The following NEB variants were observed in gnomAD, a reference collection of about 807,000 sequenced individuals.
The protein encoded by NEB is nemaline myopathy type 2.
A neutral mutation model predicts 952.2 loss-of-function variants in NEB; 512 were observed. The ratio of observed to expected loss-of-function variants is 0.54; its 90% CI spans 0.50 to 0.58. The LOEUF (loss-of-function observed/expected upper bound fraction) is 0.58, where lower values mean the gene tolerates loss of function less well. NEB is among the 20% of genes least tolerant of loss of function. The probability of loss-of-function intolerance (pLI) is 0.00; values close to 1 mark genes in which losing one functional copy is unlikely to be tolerated. For synonymous variants in NEB, 2,900 were observed against 3,149.8 expected (o/e 0.92, Z 2.66); for missense variants, 8,428 against 9,231.1 (o/e 0.91, Z 3.56).
Position 151,557,977 on chromosome 2 carries a change from C to A in NEB, c.19314+2615G>T, listed in dbSNP as rs1422145989. 2.6e-5 allele frequency among the ~76,000 whole-genome samples: 4 copies of A among 152,210 alleles called. No homozygotes were observed. The East Asian group carries it at 7.7e-4, about 29-fold the overall frequency. ...CTGGCACAAGACAGGGATGCCCTCT[C>A]TCACCACTCCTATTCAACATAGTAT... On this transcript the variant is annotated intron_variant, in intron 124 of 181. Coordinates refer to ENST00000397345, the MANE Select transcript of NEB (RefSeq NM_001164508.2).
chr2:151,639,610 G>A (rs1285470778), intron 62 of NEB, among the ~76,000 whole-genome samples: 15 of 152,044 alleles, frequency 9.9e-5, no homozygotes, highest in Admixed American at 9.8e-4. Flanking sequence ...ATGAGAATAA[G>A]CATATTTTAT....
At chr2:151,486,015 T>C (rs756001037) in intron 181 of NEB, 82 bp from the exon 182 acceptor site, 64 of 1,400,978 alleles carry the variant, frequency 4.6e-5, no homozygotes, top group Admixed American at 7.4e-5. Context: ...AGATCTCTCA[T>C]GACTGACTCC....
intron 3 of NEB, among the ~76,000 whole-genome samples, chr2:151,732,620 T>C (rs928043258): frequency 6.6e-6 from 1 of 152,210 alleles, no homozygotes; most frequent in African/African-American, 2.4e-5. Context: ...GTATGTATTA[T>C]GTATAAAGTC....
intron 18 of NEB, 63 bp downstream of exon 18, chr2:151,695,515 C>T (rs111517947): frequency 0.016 from 18,465 of 1,120,730 alleles, 231 homozygotes; most frequent in South Asian, 0.029. Context: ...TGCAACAAAG[C>T]AGTTCAAACA....
chr2:151,607,465 C>T lies in NEB; in HGVS notation c.12639+39G>A, dbSNP rs528938852. The T allele has an allele frequency of 1.0e-4, 77 of 751,796 alleles. 22 individuals are homozygous for T. The South Asian group carries it at 1.1e-3, about 11-fold the overall frequency. 46.6% of individuals were successfully genotyped at this position (751,796 alleles called of 1,614,324 possible). On this transcript the variant is annotated intron_variant, in intron 83 of 181. Coordinates refer to ENST00000397345, the MANE Select transcript of NEB (RefSeq NM_001164508.2). The stretch of plus-strand genomic sequence containing the variant: ...ACTCTCCATGAGCAGACAGATATTG[C>T]CCATAAAGGCTTTTACACTTCATGT...
chr2:151,619,126 A>T (rs902790586), intron 73 of NEB, among the ~76,000 whole-genome samples: 1 of 152,004 alleles, frequency 6.6e-6, no homozygotes. Context: ...AAACACACAC[A>T]TTTTTTTACT....
chr2:151,524,617 C>A lies in NEB; in HGVS notation c.22273-1G>T. The A allele has an allele frequency of 7.2e-7, 1 of 1,389,280 alleles. No homozygotes were observed. Among genetic ancestry groups the A allele is most frequent in the Non-Finnish European group, 9.9e-7 (1 of 1,010,108 alleles). The allele number at this position is 1,389,280 out of a possible 1,614,324, so 86.1% of individuals were successfully genotyped here. On this transcript the variant is annotated splice_acceptor_variant, in intron 151 of 181. Transcript: ENST00000397345. LOFTEE classifies it high-confidence loss of function. ...CTTTGGCATCTTTTCTGTAAGCGACCTTTATTGGGGAAGAAAATGTTTACT... is the reference window on the plus strand; with the variant it reads ...CTTTGGCATCTTTTCTGTAAGCGACATTTATTGGGGAAGAAAATGTTTACT...
chr2:151,639,403 A>G lies in NEB; in HGVS notation c.8890-19T>C. On this transcript the variant is annotated intron_variant, in intron 62 of 181. Transcript: ENST00000397345. Reference sequence around the variant, plus strand: ...ATAAACGCTATCAAAAAAAATACACAAATTCATCAGGAAAAAAGTTCTGTG... The same window carrying G: ...ATAAACGCTATCAAAAAAAATACACGAATTCATCAGGAAAAAAGTTCTGTG... 6.7e-7 allele frequency: 1 copy of G among 1,501,252 alleles called. No individual in the cohort carries two copies. Among genetic ancestry groups the G allele is most frequent in the Non-Finnish European group, 8.9e-7 (1 of 1,122,326 alleles). 93.0% of individuals were successfully genotyped at this position (1,501,252 alleles called of 1,614,324 possible). A position where few individuals can be genotyped will look rare whatever the true frequency, so the allele number is the denominator to read the frequency against.
At chr2:151,665,888 AT>A (rs2154178209) in intron 41 of NEB, among the ~76,000 whole-genome samples, 1 of 152,356 alleles carries the variant, frequency 6.6e-6, no homozygotes, top group East Asian at 1.9e-4. Context: ...TAATACCAAC[AT>A]TTTAAATATA....
chr2:151,700,672 T>C (rs1576864713), intron 13 of NEB, among the ~76,000 whole-genome samples: 1 of 94,692 alleles, frequency 1.1e-5, no homozygotes, highest in East Asian at 2.6e-4. Context: ...GTTTGTCTGT[T>C]ATTGGTGTAT....
In NEB at chr2:151,610,005, C is replaced by A. The variant is rs1286466715; in HGVS notation, c.12134G>T (p.Arg4045Met). The A allele has an allele frequency of 1.2e-6, 2 of 1,613,914 alleles. No individual in the cohort carries two copies. Among genetic ancestry groups the A allele is most frequent in the African/African-American group, 2.7e-5 (2 of 75,046 alleles). The change falls in exon 81 of 182, where the codon AGG (arginine) becomes ATG (methionine). Residue 4045 changes from arginine to methionine, a missense_variant. Physicochemically the swap from Arg to Met is moderately conservative, Grantham distance 91. Transcript: ENST00000397345. Reference sequence around the variant, plus strand: ...CTTTTGGAATTCCTTCTTGTACTCCCTTTCACTTTGAATTTTTCCTGCATG... The same window carrying A: ...CTTTTGGAATTCCTTCTTGTACTCCATTTCACTTTGAATTTTTCCTGCATG... The part of the protein sequence containing the change: ...AIHAGKIQSE[R>M]EYKKEFQKWK...
At chr2:151,546,185 A>G (rs2094652144) in intron 134 of NEB, among the ~76,000 whole-genome samples, 160 bp downstream of exon 134, 2 of 152,214 alleles carry the variant, frequency 1.3e-5, no homozygotes, top group African/African-American at 4.8e-5. Flanking sequence ...TAGGAGGCAC[A>G]GATCACATTA....
chr2:151,493,902 C>T lies in NEB; in HGVS notation c.24580-35G>A, dbSNP rs373360468. The T allele has an allele frequency of 1.2e-4, 157 of 1,363,036 alleles. No individual in the cohort carries two copies. The African/African-American group carries it at 1.8e-3, about 15-fold the overall frequency. The allele number at this position is 1,363,036 out of a possible 1,614,324, so 84.4% of individuals were successfully genotyped here. On this transcript the variant is annotated intron_variant, in intron 174 of 181. Coordinates refer to ENST00000397345, the MANE Select transcript of NEB (RefSeq NM_001164508.2). ...ACAAAGTCATGCCCGAAAGTCACTA[C>T]GAGGTAATAATCACTATTAATTATA...
intron 18 of NEB, among the ~76,000 whole-genome samples, 180 bp downstream of exon 18, chr2:151,695,398 C>T (rs146278361): frequency 1.8e-3 from 272 of 152,282 alleles, no homozygotes; most frequent in African/African-American, 6.2e-3. Context: ...TATAAGATTG[C>T]TACACATATT....
In NEB at chr2:151,619,573, C is replaced by T. The variant is rs756295339; in HGVS notation, c.10750G>A (p.Ala3584Thr). Reference sequence around the variant, plus strand: ...CTGACCAAGGTCTGACACTTCTTGGCCAAAACGATACCAAGCATGTCCACT... The same window carrying T: ...CTGACCAAGGTCTGACACTTCTTGGTCAAAACGATACCAAGCATGTCCACT... ...SPVDMLGIVL[A>T]KKCQTLVSDV... Residue 3584 changes from alanine (A) to threonine (T), a missense_variant, in exon 73 of 182, where the codon GCC becomes ACC. This residue lies in a region of NEB where 1,772 missense variants were observed against 1,960.3 expected (regional missense o/e 0.90). Transcript: ENST00000397345. 3.1e-6 allele frequency: 5 copies of T among 1,613,900 alleles called. No individual in the cohort carries two copies. Among genetic ancestry groups the T allele is most frequent in the South Asian group, 2.2e-5 (2 of 91,086 alleles).
rs1293015743 is a variant in NEB, at chr2:151,581,535, G to C, written c.16232C>G (p.Ala5411Gly). 11 of 1,248,398 alleles carry C rather than the reference G, an allele frequency of 8.8e-6. No individual in the cohort carries two copies. In the Admixed American group the frequency reaches 1.6e-4, roughly 18 times the overall value. The allele number at this position is 1,248,398 out of a possible 1,614,324, so 77.3% of individuals were successfully genotyped here. Residue 5411 changes from alanine to glycine, a missense_variant, in exon 103 of 182, where the codon GCT (alanine) becomes GGT (glycine). Around this residue, in one of 11 missense-constraint regions of NEB, gnomAD observed 40 missense variants for 61.2 expected, o/e 0.65. Transcript: ENST00000397345. ...EKEKANVNVP[A>G]DTPLMLQSKI... ...GGATTGCAGCATCAGGGGAGTGTCA[G>C]CTGGCACGTTCACATTAGCCTTCTC... is the stretch of plus-strand genomic sequence containing the variant.
At position 151,650,208 on chromosome 2, in the gene NEB, G is replaced by A; in HGVS notation, c.7399C>T (p.Leu2467=). 1 of 1,613,886 alleles carries A rather than the reference G, an allele frequency of 6.2e-7. No homozygotes were observed. The highest frequency in any genetic ancestry group is 8.5e-7 in the Non-Finnish European group (1 of 1,179,828). Residue 2467 remains leucine (L), a synonymous_variant, in exon 54 of 182, where the codon CTG becomes TTG. Transcript: ENST00000397345. ...TSIPDAMDIV[L]AKTNAKNRSD... ...CTATTTTTGGCATTTGTCTTTGCCA[G>A]AACTATATCCATGGCATCAGGAATG... is the stretch of plus-strand genomic sequence containing the variant.
chr2:151,694,572 C>T lies in NEB; in HGVS notation c.1732G>A (p.Asp578Asn), dbSNP rs1039030981. 1 of 1,609,488 alleles carries T rather than the reference C, an allele frequency of 6.2e-7. No individual in the cohort carries two copies. Among genetic ancestry groups the T allele is most frequent in the African/African-American group, 1.3e-5 (1 of 74,858 alleles). The change falls in exon 19 of 182, where the codon GAT becomes AAT. Residue 578 changes from aspartate (D) to asparagine (N), a missense_variant. This residue lies in a region of NEB where 2,851 missense variants were observed against 2,791.5 expected (regional missense o/e 1.02). Coordinates refer to ENST00000397345, the MANE Select transcript of NEB (RefSeq NM_001164508.2). ...TTGGCTGCCAGCAGGGGAATGGCAT[C>T]CACTTTAATGTCAAACTTTTTGGCT... ...SKAKKFDIKV[D>N]AIPLLAAKAN...
rs143456239 is a variant in NEB, at chr2:151,552,762, A to G, written c.19746T>C (p.Ala6582=). The G allele has an allele frequency of 2.3e-4, 375 of 1,612,280 alleles. 2 individuals are homozygous for G. In the African/African-American group the frequency reaches 4.5e-3, roughly 19 times the overall value. The stretch of plus-strand genomic sequence containing the variant: ...AGTCATTCCTTGTTTTCAACATGTG[A>G]GCTTTATACTTGATCTGCCGAGAGG... The part of the protein sequence containing the change: ...YDLRDDIKYK[A]HMLKTRNDYK... The change falls in exon 128 of 182, where the codon GCT becomes GCC. Residue 6582 remains alanine, a synonymous_variant. Coordinates refer to ENST00000397345, the MANE Select transcript of NEB (RefSeq NM_001164508.2).
Sources: allele counts gnomAD v4.1 joint callset (sites outside exome capture counted in the v4.1 genomes callset), GRCh38; gene constraint gnomAD v4.1.1; regional missense constraint gnomAD v4.1.1; transcripts MANE v1.5; gene names NCBI Gene and HGNC (gene_info 2026-07-23, HGNC 2026-07-21).